Variants in MGAT4C observed in about 807,000 individuals in gnomAD.
MGAT4C encodes the protein MGAT4 family member C, also known as alpha-1,3-mannosyl-glycoprotein 4-beta-N-acetylglucosaminyltransferase C.
Under a neutral mutation model 40.1 loss-of-function variants are expected in MGAT4C, and 19 were observed. That is an observed-to-expected ratio of 0.47 (90% CI 0.33 to 0.70). The LOEUF (loss-of-function observed/expected upper bound fraction) is 0.70. Among genes scored for constraint, MGAT4C ranks in the 30% least tolerant of loss-of-function variants. MGAT4C has a pLI of 0.02. For synonymous variants in MGAT4C, 181 were observed against 187.1 expected (o/e 0.97, Z 0.27); for missense variants, 491 against 563.2 (o/e 0.87, Z 1.30).
intron 2 of MGAT4C, among the ~76,000 whole-genome samples, chr12:86,681,683 C>T (rs1949985280): frequency 6.6e-6 from 1 of 151,920 alleles, no homozygotes; most frequent in African/African-American, 2.4e-5. Context: ...CACCTAACAG[C>T]TACTGGTATT....
At chr12:86,323,667 AAT>A (rs2136164929) in intron 4 of MGAT4C, among the ~76,000 whole-genome samples, 1 of 152,018 alleles carries the variant, frequency 6.6e-6, no homozygotes, top group East Asian at 1.9e-4. Flanking sequence ...CATATATATA[AAT>A]AGACGAAATA....
intron 2 of MGAT4C, among the ~76,000 whole-genome samples, chr12:86,541,274 G>A (rs1471976951): frequency 1.3e-5 from 2 of 152,106 alleles, no homozygotes; most frequent in Non-Finnish European, 2.9e-5. Flanking sequence ...GTGAAAATAT[G>A]TTTTAGATAT....
chr12:86,265,155 C>T (rs183691374), intron 4 of MGAT4C, among the ~76,000 whole-genome samples: 15 of 152,230 alleles, frequency 9.9e-5, no homozygotes, highest in Admixed American at 9.2e-4. Context: ...CAGACCCCAC[C>T]TCGCTCCCTC....
chr12:85,982,402 T>TGGCC (rs2136691127), intron 4 of MGAT4C, among the ~76,000 whole-genome samples: 1 of 152,304 alleles, frequency 6.6e-6, no homozygotes, highest in Admixed American at 6.5e-5. Flanking sequence ...TTGGCCAGGC[T>TGGCC]TGTCTTGAAC....
At chr12:86,172,970 T>A (rs1228889969) in intron 1 of MGAT4C, among the ~76,000 whole-genome samples, 1 of 152,136 alleles carries the variant, frequency 6.6e-6, no homozygotes, top group Non-Finnish European at 1.5e-5. Flanking sequence ...AATACAATCA[T>A]AAAATTATAT....
chr12:86,108,372 T>C (rs1876596844), intron 1 of MGAT4C, among the ~76,000 whole-genome samples: 1 of 152,158 alleles, frequency 6.6e-6, no homozygotes, highest in Non-Finnish European at 1.5e-5. Flanking sequence ...CACTCCTACA[T>C]TTAAAGAATA....
intron 2 of MGAT4C, among the ~76,000 whole-genome samples, chr12:86,529,468 A>G (rs1339975963): frequency 1.3e-5 from 2 of 151,956 alleles, no homozygotes; most frequent in South Asian, 2.1e-4. Flanking sequence ...CCAGACATTC[A>G]CACTTGCTTC....
At chr12:86,730,322 C>T (rs1950887857) in intron 1 of MGAT4C, among the ~76,000 whole-genome samples, 1 of 151,824 alleles carries the variant, frequency 6.6e-6, no homozygotes. Context: ...GAAACTGCAC[C>T]TCAATTTGTT....
chr12:86,080,110 G>T (rs1353062835), intron 1 of MGAT4C, among the ~76,000 whole-genome samples: 10 of 152,090 alleles, frequency 6.6e-5, no homozygotes, highest in African/African-American at 2.4e-4. Flanking sequence ...TAGTGCCAGT[G>T]CTATGCTGCC....
At chr12:86,818,102 T>C (rs892803588) in intron 1 of MGAT4C, among the ~76,000 whole-genome samples, 8 of 151,354 alleles carry the variant, frequency 5.3e-5, no homozygotes, top group Non-Finnish European at 8.9e-5. Context: ...TTGCCACAAC[T>C]GCAACTGAAT....
At chr12:86,081,491 T>C (rs1565954752) in intron 1 of MGAT4C, among the ~76,000 whole-genome samples, 1 of 152,182 alleles carries the variant, frequency 6.6e-6, no homozygotes, top group South Asian at 2.1e-4. Flanking sequence ...CACAGAAATT[T>C]ACAAATTCAC....
chr12:86,505,044 T>C (rs943856464), intron 2 of MGAT4C, among the ~76,000 whole-genome samples: 1 of 152,186 alleles, frequency 6.6e-6, no homozygotes, highest in Non-Finnish European at 1.5e-5. Flanking sequence ...CTCATTTCAA[T>C]GTGTGGTTTC....
chr12:86,155,859 G>T lies in MGAT4C; in HGVS notation c.-57+100380C>A, dbSNP rs1423528547. On this transcript the variant is annotated intron_variant, in intron 1 of 4. Coordinates refer to ENST00000611864, the MANE Select transcript of MGAT4C (RefSeq NM_001351288.2). ...TTGGTGTTCTTTTAATCCAGTGCTG[G>T]CCTTGACTTTCTATTAACTAGGCCA... Among the ~76,000 whole-genome samples the T allele has an allele frequency of 3.9e-5, 6 of 152,100 alleles. 1 individual carries two copies. The highest frequency in any genetic ancestry group is 1.5e-5 in the Non-Finnish European group (1 of 68,020).
At chr12:86,689,322 C>T (rs575244346) in intron 2 of MGAT4C, among the ~76,000 whole-genome samples, 2 of 152,228 alleles carry the variant, frequency 1.3e-5, no homozygotes, top group South Asian at 4.1e-4. Context: ...TGTTATTACC[C>T]ACCTTCTGAA....
chr12:86,245,490 T>G (rs1284519993), intron 1 of MGAT4C, among the ~76,000 whole-genome samples: 1 of 152,234 alleles, frequency 6.6e-6, no homozygotes, highest in Non-Finnish European at 1.5e-5. Flanking sequence ...TTTTTGGGTC[T>G]CTGTGCTTCT....
At chr12:86,375,176 G>A (rs1955801028) in intron 3 of MGAT4C, among the ~76,000 whole-genome samples, 1 of 152,038 alleles carries the variant, frequency 6.6e-6, no homozygotes, top group Non-Finnish European at 1.5e-5. Context: ...GTATTTCTAA[G>A]CCTCCTTTTT....
chr12:86,547,477 A>G (rs1959201511), intron 2 of MGAT4C, among the ~76,000 whole-genome samples: 1 of 152,206 alleles, frequency 6.6e-6, no homozygotes. Context: ...TGTTTATCTC[A>G]TTGATATCTT....
chr12:86,456,235 G>GTCA (rs953809567), intron 2 of MGAT4C, among the ~76,000 whole-genome samples: 4 of 151,788 alleles, frequency 2.6e-5, no homozygotes, highest in South Asian at 4.2e-4. Flanking sequence ...TAACATCGTC[G>GTCA]TCATCATCAT....
chr12:86,540,046 T>C (rs969197760), intron 2 of MGAT4C, among the ~76,000 whole-genome samples: 3 of 152,234 alleles, frequency 2.0e-5, no homozygotes, highest in Non-Finnish European at 2.9e-5. Context: ...TTTGTCAATG[T>C]TGGCTTTTGT....
Sources: allele counts gnomAD v4.1 joint callset (sites outside exome capture counted in the v4.1 genomes callset), GRCh38; gene constraint gnomAD v4.1.1; transcripts MANE v1.5; gene names NCBI Gene and HGNC (gene_info 2026-07-23, HGNC 2026-07-21).